Variants in TNFRSF1A observed in about 807,000 individuals in gnomAD.
TNFRSF1A encodes TNF receptor superfamily member 1A.
Under a neutral mutation model 41.6 loss-of-function variants are expected in TNFRSF1A, and 9 were observed. That is an observed-to-expected ratio of 0.22 (90% confidence interval 0.13 to 0.38). The LOEUF (loss-of-function observed/expected upper bound fraction) is 0.38. Ranked by LOEUF, TNFRSF1A falls within the 10% of genes least tolerant of loss-of-function variation. TNFRSF1A has a pLI of 1.00. For synonymous variants in TNFRSF1A, 254 were observed against 248.6 expected (o/e 1.02, Z -0.21); for missense variants, 463 against 591.5 (o/e 0.78, Z 2.25).
chr12:6,336,030 G>A (rs1187549068), intron 1 of TNFRSF1A, among the ~76,000 whole-genome samples: 1 of 152,216 alleles, frequency 6.6e-6, no homozygotes, highest in Non-Finnish European at 1.5e-5. Flanking sequence ...TTGGGGTGGT[G>A]ATGGGAAGAA....
chr12:6,340,283 A>G (rs1168656854), intron 1 of TNFRSF1A, among the ~76,000 whole-genome samples: 1 of 152,248 alleles, frequency 6.6e-6, no homozygotes, highest in Non-Finnish European at 1.5e-5. Flanking sequence ...CAGTCTATTC[A>G]ATCTTCAAAA....
chr12:6,329,309 G>A lies in TNFRSF1A; in HGVS notation c.*3C>T, dbSNP rs760375714. On this transcript the variant is annotated 3_prime_UTR_variant, in exon 10 of 10. Coordinates refer to ENST00000162749, the MANE Select transcript of TNFRSF1A (RefSeq NM_001065.4). The stretch of plus-strand genomic sequence containing the variant: ...CCTTAGAGCTGCCCGCAGGGGCGCA[G>A]CCTCATCTGAGAAGACTGGGCGCGG... 8.8e-6 allele frequency: 13 copies of A among 1,469,444 alleles called. No homozygotes were observed. In the East Asian group the frequency reaches 3.0e-4, roughly 34 times the overall value. The allele number at this position is 1,469,444 out of a possible 1,614,324, so 91.0% of individuals were successfully genotyped here.
intron 5 of TNFRSF1A, among the ~76,000 whole-genome samples, chr12:6,332,451 A>C (rs1035360281): frequency 3.3e-5 from 5 of 149,870 alleles, no homozygotes; most frequent in Admixed American, 2.0e-4. Flanking sequence ...AAAAAAAAAA[A>C]AAAACACCAA....
chr12:6,336,873 A>G (rs568457720), intron 1 of TNFRSF1A, among the ~76,000 whole-genome samples: 28 of 152,254 alleles, frequency 1.8e-4, no homozygotes, highest in Admixed American at 7.8e-4. Flanking sequence ...CCGCATTCCC[A>G]CAGCCTGGCT....
At chr12:6,332,805 T>G (rs1948067974) in intron 5 of TNFRSF1A, among the ~76,000 whole-genome samples, 3 of 152,224 alleles carry the variant, frequency 2.0e-5, no homozygotes. Flanking sequence ...CAATGAGCTA[T>G]CGTAGATCCA....
intron 6 of TNFRSF1A, 62 bp downstream of exon 6, chr12:6,330,791 C>T (rs1372368111): frequency 9.6e-6 from 15 of 1,568,480 alleles, no homozygotes; most frequent in South Asian, 8.9e-5. Flanking sequence ...GATGGATGGA[C>T]GGGTGGGGGC....
In TNFRSF1A at chr12:6,329,301, G is replaced by A. The variant is rs2136811704; in HGVS notation, c.*11C>T. ...AGGACGGTCCTTAGAGCTGCCCGCA[G>A]GGGCGCAGCCTCATCTGAGAAGACT... On this transcript the variant is annotated 3_prime_UTR_variant, in exon 10 of 10. Transcript: ENST00000162749. 1 of 1,458,370 alleles carries A rather than the reference G, an allele frequency of 6.9e-7. No individual in the cohort carries two copies. Among genetic ancestry groups the A allele is most frequent in the East Asian group, 2.5e-5 (1 of 39,478 alleles). The allele number at this position is 1,458,370 out of a possible 1,614,324, so 90.3% of individuals were successfully genotyped here.
chr12:6,329,996 G>C lies in TNFRSF1A; in HGVS notation c.839C>G (p.Thr280Ser). 1 of 1,601,122 alleles carries C rather than the reference G, an allele frequency of 6.2e-7. No homozygotes were observed. The highest frequency in any genetic ancestry group is 8.5e-7 in the Non-Finnish European group (1 of 1,172,816). The change falls in exon 9 of 10, where the codon ACC becomes AGC. Residue 280 changes from threonine to serine, a missense_variant. Around this residue, in one of 4 missense-constraint regions of TNFRSF1A, gnomAD observed 277 missense variants for 288.8 expected, o/e 0.96. Coordinates refer to ENST00000162749, the MANE Select transcript of TNFRSF1A (RefSeq NM_001065.4). ...NPSFSPTPGF[T>S]PTLGFSPVPS... The stretch of plus-strand genomic sequence containing the variant: ...CACGGGACTGAAGCCCAGGGTGGGG[G>C]TGAAGCCTGGAGTGGGACTGAAGCT...
rs200849126 is a variant in TNFRSF1A at position 6,341,902 on chromosome 12, T to C, written c.-88A>G. 274 of 1,460,380 alleles carry C rather than the reference T, an allele frequency of 1.9e-4. No individual in the cohort carries two copies. The highest frequency in any genetic ancestry group is 2.5e-4 in the Non-Finnish European group (258 of 1,044,112). The allele number at this position is 1,460,380 out of a possible 1,614,324, so 90.5% of individuals were successfully genotyped here. ...CTGGGGCTTCCCGGGACTCGGTCTG[T>C]CCAGGACGTCCCAAGTGCCTTGGGG... On this transcript the variant is annotated 5_prime_UTR_variant, in exon 1 of 10. Transcript: ENST00000162749. The surrounding 1 kb of genome is among the most constrained non-coding windows in gnomAD (Gnocchi z 4.6).
Position 6,339,816 on chromosome 12 carries a change from T to TTCTC in TNFRSF1A, c.39+1956_39+1959dup, listed in dbSNP as rs71450139. ...ATTCTTCCCTACTCCCCTACCCCACTTCTCTCTCTCTCTCTCTCTCTCTCT... is the reference window on the plus strand; with the variant it reads ...ATTCTTCCCTACTCCCCTACCCCACTTCTCTCTCTCTCTCTCTCTCTCTCTCTCT... On this transcript the variant is annotated intron_variant, in intron 1 of 9. Transcript: ENST00000162749. 1.5e-3 allele frequency among the ~76,000 whole-genome samples: 213 copies of TTCTC among 139,326 alleles called. 2 individuals carry two copies. The highest frequency in any genetic ancestry group is 4.6e-3 in the African/African-American group (171 of 36,896). 91.4% of individuals were successfully genotyped at this position (139,326 alleles called of 152,430 possible).
In TNFRSF1A at chr12:6,329,407, G is replaced by A. The variant is rs1406788508; in HGVS notation, c.1273C>T (p.Leu425Phe). The A allele has an allele frequency of 6.4e-7, 1 of 1,570,752 alleles. No homozygotes were observed. Among genetic ancestry groups the A allele is most frequent in the Admixed American group, 1.8e-5 (1 of 56,716 alleles). The change falls in exon 10 of 10, where the codon CTC (leucine) becomes TTC (phenylalanine). Residue 425 changes from leucine (L) to phenylalanine (F), a missense_variant. Coordinates refer to ENST00000162749, the MANE Select transcript of TNFRSF1A (RefSeq NM_001065.4). ...EATLELLGRV[L>F]RDMDLLGCLE... ...CAGCCCAGCAGGTCCATGTCGCGGA[G>A]CACGCGTCCCAGCAGCTCCAGCGTG...
At chr12:6,339,178 C>G (rs1948155490) in intron 1 of TNFRSF1A, among the ~76,000 whole-genome samples, 1 of 152,208 alleles carries the variant, frequency 6.6e-6, no homozygotes, top group Admixed American at 6.5e-5. Flanking sequence ...AATCCCATCT[C>G]TCCATTCCTC....
In TNFRSF1A at chr12:6,330,633, C is replaced by T. The variant is rs746709478; in HGVS notation, c.704G>A (p.Arg235His). ...LSLLFIGLMYRYQRWKSKLYS... is the reference protein window; with the variant it reads ...LSLLFIGLMYHYQRWKSKLYS... ...GAGCTTGGACTTCCACCGTTGGTAG[C>T]GATACATTAAACCAATGAAGAGGAG... The change falls in exon 7 of 10, where the codon CGC (arginine) becomes CAC (histidine). Residue 235 changes from arginine to histidine, a missense_variant. Physicochemically the swap from Arg to His is conservative, Grantham distance 29. Coordinates refer to ENST00000162749, the MANE Select transcript of TNFRSF1A (RefSeq NM_001065.4). 6 of 1,613,674 alleles carry T rather than the reference C, an allele frequency of 3.7e-6. No individual in the cohort carries two copies. The highest frequency in any genetic ancestry group is 1.7e-5 in the Admixed American group (1 of 59,976).
intron 1 of TNFRSF1A, among the ~76,000 whole-genome samples, chr12:6,335,781 A>G (rs1948112606): frequency 6.6e-6 from 1 of 152,164 alleles, no homozygotes; most frequent in Non-Finnish European, 1.5e-5. Flanking sequence ...TCGGAGCAGG[A>G]GGCCAGTCAC....
In TNFRSF1A at chr12:6,329,360, C is replaced by A; in HGVS notation, c.1320G>T (p.Ala440=). 3.4e-6 allele frequency: 5 copies of A among 1,492,276 alleles called. No homozygotes were observed. The highest frequency in any genetic ancestry group is 2.3e-5 in the Admixed American group (1 of 43,814). 92.4% of individuals were successfully genotyped at this position (1,492,276 alleles called of 1,614,324 possible). The change falls in exon 10 of 10, where the codon GCG becomes GCT. Residue 440 remains alanine, a synonymous_variant. Coordinates refer to ENST00000162749, the MANE Select transcript of TNFRSF1A (RefSeq NM_001065.4). The part of the protein sequence containing the change: ...LLGCLEDIEE[A]LCGPAALPPA... ...GCGGGAGGGCGGCGGGGCCGCAAAG[C>A]GCCTCCTCGATGTCCTCCAGGCAGC...
At position 6,329,892 on chromosome 12, in the gene TNFRSF1A, C is replaced by T. The variant is rs866544355; in HGVS notation, c.943G>A (p.Ala315Thr). The change falls in exon 9 of 10, where the codon GCA becomes ACA. Residue 315 changes from alanine (A) to threonine (T), a missense_variant. Ala to Thr is a moderately conservative substitution (Grantham distance 58). Coordinates refer to ENST00000162749, the MANE Select transcript of TNFRSF1A (RefSeq NM_001065.4). Reference sequence around the variant, plus strand: ...GGGTCAGCCCCCTGATAGGGTGGTGCCACCTCTCTGCGGGGAGCCGCAAAG... The same window carrying T: ...GGGTCAGCCCCCTGATAGGGTGGTGTCACCTCTCTGCGGGGAGCCGCAAAG... ...PNFAAPRREV[A>T]PPYQGADPIL... The T allele has an allele frequency of 3.9e-5, 62 of 1,582,242 alleles. No individual in the cohort carries two copies. In the Admixed American group the frequency reaches 1.1e-3, roughly 28 times the overall value.
chr12:6,338,507 C>A (rs910907197), intron 1 of TNFRSF1A, among the ~76,000 whole-genome samples: 4 of 152,192 alleles, frequency 2.6e-5, no homozygotes, highest in Admixed American at 6.5e-5. Context: ...CTCTCCATCT[C>A]CAGGGCCTGG....
intron 5 of TNFRSF1A, among the ~76,000 whole-genome samples, chr12:6,332,387 T>C (rs1592046361): frequency 6.8e-6 from 1 of 147,036 alleles, no homozygotes; most frequent in Non-Finnish European, 1.5e-5. Flanking sequence ...TGAGCCACGG[T>C]TGCACCACTG....
chr12:6,339,833 TCTCTCTCTCACACACACACACA>T (rs1173577670), intron 1 of TNFRSF1A, among the ~76,000 whole-genome samples: 2 of 129,654 alleles, frequency 1.5e-5, no homozygotes, highest in Non-Finnish European at 3.0e-5. Context: ...TCTCTCTCTC[TCTCTCTCTCACACACACACACA>T]CACACACACA....
Sources: gnomAD v4.1 joint callset for allele counts (sites outside exome capture counted in the v4.1 genomes callset) on GRCh38, gnomAD v4.1.1 for gene constraint, gnomAD v4.1.1 regional missense constraint, Gnocchi (gnomAD v3.1) non-coding constraint, MANE v1.5 for transcripts, NCBI Gene and HGNC (gene_info 2026-07-23, HGNC 2026-07-21) for gene names.